The following HNRNPR variants were observed in gnomAD, a reference collection of about 807,000 sequenced individuals.
HNRNPR encodes the protein heterogeneous nuclear ribonucleoprotein R.
Under a neutral mutation model 70.3 loss-of-function variants are expected in HNRNPR, and 4 were observed. That is an observed-to-expected ratio of 0.06 (90% confidence interval 0.03 to 0.13). The LOEUF (loss-of-function observed/expected upper bound fraction) is 0.13. HNRNPR is among the 10% of genes least tolerant of loss of function. HNRNPR has a pLI of 1.00. For missense variants in HNRNPR, 423 were observed against 788.5 expected, an observed-to-expected ratio of 0.54 and a Z score of 5.55; for synonymous variants, 241 against 267.6, an observed-to-expected ratio of 0.90 and a Z score of 0.97.
intron 4 of HNRNPR, among the ~76,000 whole-genome samples, chr1:23,334,537 C>G (rs553459070): frequency 6.6e-6 from 1 of 152,108 alleles, no homozygotes; most frequent in African/African-American, 2.4e-5. Flanking sequence ...TACCCAGCCT[C>G]TAGTGTACTT....
At position 23,306,143 on chromosome 1, in the gene HNRNPR, A is replaced by T. The variant is rs1364538983; in HGVS notation, c.*4311T>A. The T allele has an allele frequency of 6.6e-6, 1 of 152,160 alleles. No individual in the cohort carries two copies. The highest frequency in any genetic ancestry group is 1.9e-4 in the East Asian group (1 of 5,194). The allele number at this position is 152,160 out of a possible 1,614,324, so 9.4% of individuals were successfully genotyped here. A position where few individuals can be genotyped will look rare whatever the true frequency, so the allele number is the denominator to read the frequency against. The stretch of plus-strand genomic sequence containing the variant: ...TTATTGTCTCTCCAAGAGACTTTTT[A>T]AGATTATAAGGTGTCTATTTTGCTC... On this transcript the variant is annotated 3_prime_UTR_variant, in exon 11 of 11. Transcript: ENST00000302271.
At chr1:23,337,277 T>C (rs1646532963) in intron 4 of HNRNPR, among the ~76,000 whole-genome samples, 1 of 152,184 alleles carries the variant, frequency 6.6e-6, no homozygotes, top group Non-Finnish European at 1.5e-5. Context: ...GGCTTTTCAT[T>C]AAACATGCAA....
At chr1:23,313,813 A>G in intron 8 of HNRNPR, 111 bp from the exon 9 acceptor site, 7 of 1,216,710 alleles carry the variant, frequency 5.8e-6, no homozygotes, top group Non-Finnish European at 6.8e-6. Flanking sequence ...TTAAGTGCTA[A>G]AAGTGTTGTT....
intron 4 of HNRNPR, among the ~76,000 whole-genome samples, chr1:23,334,308 C>T (rs1326570802): frequency 2.7e-5 from 4 of 147,290 alleles, no homozygotes; most frequent in Non-Finnish European, 5.9e-5. Flanking sequence ...GCGATCTCGG[C>T]TCACTGCAAG....
In HNRNPR at chr1:23,313,743, A is replaced by T. The variant is rs1245637860; in HGVS notation, c.1018-41T>A. Reference sequence around the variant, plus strand: ...TAAACAAAACCGTCATTGGCTACTTAATTTTACCTGAAAAGTGTTTCTTCC... The same window carrying T: ...TAAACAAAACCGTCATTGGCTACTTTATTTTACCTGAAAAGTGTTTCTTCC... On this transcript the variant is annotated intron_variant, in intron 8 of 10. Transcript: ENST00000302271. The T allele has an allele frequency of 5.7e-6, 9 of 1,580,942 alleles. No individual in the cohort carries two copies. The South Asian group carries it at 9.4e-5, about 17-fold the overall frequency.
intron 8 of HNRNPR, 40 bp from the exon 9 acceptor site, chr1:23,313,742 TA>T: frequency 6.3e-7 from 1 of 1,580,816 alleles, no homozygotes; most frequent in Non-Finnish European, 8.5e-7. Flanking sequence ...ATTGGCTACT[TA>T]ATTTTACCTG....
chr1:23,327,275 T>G (rs1315747594), intron 5 of HNRNPR, among the ~76,000 whole-genome samples: 1 of 152,194 alleles, frequency 6.6e-6, no homozygotes, highest in Admixed American at 6.5e-5. Context: ...GACAAGTAAT[T>G]AGATATACCT....
At chr1:23,340,424 T>C (rs1257186819) in intron 2 of HNRNPR, among the ~76,000 whole-genome samples, 1 of 152,198 alleles carries the variant, frequency 6.6e-6, no homozygotes, top group Non-Finnish European at 1.5e-5. Flanking sequence ...CTGACATTTA[T>C]TATGGTTTCA....
At position 23,309,031 on chromosome 1, in the gene HNRNPR, CTCATTCTCAAGCAAA is replaced by C. The variant is rs1363992165; in HGVS notation, c.*1408_*1422del. On this transcript the variant is annotated 3_prime_UTR_variant, in exon 11 of 11. Coordinates refer to ENST00000302271, the MANE Select transcript of HNRNPR (RefSeq NM_005826.5). ...GTAAAGCTTAGATTCTTTTGTTCCT[CTCATTCTCAAGCAAA>C]AAAGTCATTAGAATAAATCAGAATT... The C allele has an allele frequency of 6.6e-6, 1 of 152,046 alleles. No homozygotes were observed. The highest frequency in any genetic ancestry group is 1.5e-5 in the Non-Finnish European group (1 of 67,932). 9.4% of individuals were successfully genotyped at this position (152,046 alleles called of 1,614,324 possible).
rs1051462400 is a variant in HNRNPR at position 23,305,766 on chromosome 1, C to G, written c.*4688G>C. The G allele has an allele frequency of 6.6e-6, 1 of 152,106 alleles. No individual in the cohort carries two copies. The highest frequency in any genetic ancestry group is 1.5e-5 in the Non-Finnish European group (1 of 67,984). The allele number at this position is 152,106 out of a possible 1,614,324, so 9.4% of individuals were successfully genotyped here. A position where few individuals can be genotyped will look rare whatever the true frequency, so the allele number is the denominator to read the frequency against. ...CCTATCAGCTACCCTAGCTTTCACACAAAACACAAGTTGTTCATAGGTTTA... is the reference window on the plus strand; with the variant it reads ...CCTATCAGCTACCCTAGCTTTCACAGAAAACACAAGTTGTTCATAGGTTTA... On this transcript the variant is annotated 3_prime_UTR_variant, in exon 11 of 11. Coordinates refer to ENST00000302271, the MANE Select transcript of HNRNPR (RefSeq NM_005826.5).
intron 5 of HNRNPR, among the ~76,000 whole-genome samples, chr1:23,329,768 T>A (rs1001383295): frequency 3.3e-5 from 5 of 152,182 alleles, no homozygotes; most frequent in African/African-American, 9.6e-5. Context: ...GCTAGGGCCA[T>A]AGCTGTGCGC....
chr1:23,341,614 C>A (rs187478483), intron 1 of HNRNPR, among the ~76,000 whole-genome samples: 1 of 151,980 alleles, frequency 6.6e-6, no homozygotes, highest in East Asian at 1.9e-4. Flanking sequence ...AAGATTAATT[C>A]GCTATTCCCA....
At chr1:23,334,486 T>G (rs957939112) in intron 4 of HNRNPR, among the ~76,000 whole-genome samples, 2 of 152,158 alleles carry the variant, frequency 1.3e-5, no homozygotes, top group Non-Finnish European at 2.9e-5. Flanking sequence ...TCCACCCGAC[T>G]TGGCCTCCCA....
At chr1:23,315,302 A>C (rs9727326) in intron 8 of HNRNPR, among the ~76,000 whole-genome samples, 103,789 of 127,106 alleles carry the variant, frequency 0.82, 42,773 homozygotes, top group Non-Finnish European at 0.89. Context: ...AAAAAAAAAA[A>C]AAACAAAAAC....
rs180897497 is a variant in HNRNPR, at chr1:23,311,201, G to C, written c.1289C>G (p.Ala430Gly). 10 of 1,613,694 alleles carry C rather than the reference G, an allele frequency of 6.2e-6. No individual in the cohort carries two copies. The highest frequency in any genetic ancestry group is 8.5e-6 in the Non-Finnish European group (10 of 1,179,964). Residue 430 changes from alanine (A) to glycine (G), a missense_variant and splice_region_variant, in exon 10 of 11, where the codon GCG (alanine) becomes GGG (glycine). By Grantham distance (60) the Ala-to-Gly change is moderately conservative. Transcript: ENST00000302271. The stretch of plus-strand genomic sequence containing the variant: ...TATATCTACTAAAATGTAGACTCAC[G>C]CAGTGCTTCTGGAGGCCTGTCTAGC... Reference protein sequence around the residue: ...QAARQASRSTAYEDYYYHPPP... With the variant: ...QAARQASRSTGYEDYYYHPPP...
At position 23,344,282 on chromosome 1, in the gene HNRNPR, G is replaced by A. The variant is rs891040326; in HGVS notation, c.-81C>T. On this transcript the variant is annotated 5_prime_UTR_variant, in exon 1 of 11. Coordinates refer to ENST00000302271, the MANE Select transcript of HNRNPR (RefSeq NM_005826.5). ...AGGCGCTTTGAAAACGACTAGAAAT[G>A]GCGCGCGCGCCACCCCCTCCCCCCC... is the stretch of plus-strand genomic sequence containing the variant. The A allele has an allele frequency of 6.6e-6, 1 of 150,678 alleles. No homozygotes were observed. Among genetic ancestry groups the A allele is most frequent in the Non-Finnish European group, 1.5e-5 (1 of 67,304 alleles). 9.3% of individuals were successfully genotyped at this position (150,678 alleles called of 1,614,324 possible). A position where few individuals can be genotyped will look rare whatever the true frequency, so the allele number is the denominator to read the frequency against.
intron 5 of HNRNPR, 131 bp downstream of exon 5, chr1:23,333,385 GAT>G: frequency 1.7e-6 from 1 of 575,316 alleles, no homozygotes; most frequent in Non-Finnish European, 3.2e-6. Flanking sequence ...AATACAAATG[GAT>G]ATCTAAAAAC....
intron 4 of HNRNPR, among the ~76,000 whole-genome samples, chr1:23,335,398 G>A (rs1273199812): frequency 3.9e-5 from 6 of 152,202 alleles, no homozygotes; most frequent in African/African-American, 7.2e-5. Flanking sequence ...CCACAGACCC[G>A]TACTGGTCCA....
intron 4 of HNRNPR, among the ~76,000 whole-genome samples, chr1:23,336,998 T>C (rs1347680989): frequency 7.9e-5 from 12 of 152,196 alleles, no homozygotes; most frequent in Non-Finnish European, 1.6e-4. Flanking sequence ...ATTTACTCCT[T>C]ACAATAACTC....
Sources: allele counts gnomAD v4.1 joint callset (sites outside exome capture counted in the v4.1 genomes callset), GRCh38; gene constraint gnomAD v4.1.1; transcripts MANE v1.5; gene names NCBI Gene and HGNC (gene_info 2026-07-23, HGNC 2026-07-21).